The following PKD1L1 variants were observed in gnomAD, a reference collection of about 807,000 sequenced individuals.
PKD1L1 encodes the protein polycystin-1-like protein 1.
A neutral mutation model predicts 323.4 loss-of-function variants in PKD1L1; 236 were observed. The observed-to-expected ratio is 0.73, with a 90% CI of 0.66 to 0.81. The LOEUF (loss-of-function observed/expected upper bound fraction) is 0.81. Among genes scored for constraint, PKD1L1 ranks in the 40% least tolerant of loss-of-function variants. The pLI, the probability that PKD1L1 is intolerant of heterozygous loss-of-function variation, is 0.00. For synonymous variants in PKD1L1, 1,344 were observed against 1,335.0 expected, an observed-to-expected ratio of 1.01 and a Z score of -0.15; for missense variants, 3,320 against 3,508.0, an observed-to-expected ratio of 0.95 and a Z score of 1.35.
rs1352262804 is a variant in PKD1L1 at position 47,827,487 on chromosome 7, C to T, written c.6736-19G>A. The T allele has an allele frequency of 3.8e-6, 6 of 1,591,164 alleles. No individual in the cohort carries two copies. The highest frequency in any genetic ancestry group is 2.7e-5 in the African/African-American group (2 of 74,660). ...CCAAGACCTGTCAGGGACAAGAGTGCTGTGAGCTGCGGGCTGGTGGGTGGA... is the reference window on the plus strand; with the variant it reads ...CCAAGACCTGTCAGGGACAAGAGTGTTGTGAGCTGCGGGCTGGTGGGTGGA... On this transcript the variant is annotated intron_variant, in intron 44 of 56. Transcript: ENST00000289672.
chr7:47,795,614 A>G (rs1305652437), intron 55 of PKD1L1, among the ~76,000 whole-genome samples: 8 of 152,192 alleles, frequency 5.3e-5, no homozygotes, highest in Non-Finnish European at 1.5e-5. Context: ...TAATGCACCT[A>G]AGGCTCTATG....
rs771505567 is a variant in PKD1L1, at chr7:47,800,731, C to T, written c.8111G>A (p.Gly2704Asp). 1.2e-6 allele frequency: 2 copies of T among 1,614,136 alleles called. No homozygotes were observed. Among genetic ancestry groups the T allele is most frequent in the Non-Finnish European group, 1.7e-6 (2 of 1,180,036 alleles). The change falls in exon 54 of 57, where the codon GGC (glycine) becomes GAC (aspartate). Residue 2704 changes from glycine to aspartate, a missense_variant. Coordinates refer to ENST00000289672, the MANE Select transcript of PKD1L1 (RefSeq NM_138295.5). ...GGCCCGCTGGTCAGACTTGGAAAGG[C>T]CAAGGAGGCAGTCTTTTTGGCTTCT... ...PRRSQKDCLL[G>D]LSKSDQRAMA...
Position 47,815,342 on chromosome 7 carries a change from C to T in PKD1L1, c.7081G>A (p.Gly2361Arg). 1 of 1,614,020 alleles carries T rather than the reference C, an allele frequency of 6.2e-7. No individual in the cohort carries two copies. The highest frequency in any genetic ancestry group is 8.5e-7 in the Non-Finnish European group (1 of 1,179,972). ...PGGTPSARVPGAQPGALGGKC... is the reference protein window; with the variant it reads ...PGGTPSARVPRAQPGALGGKC... ...GGAGACGGAAAGCTCACCTGAGCCC[C>T]CGGCACACGGGCTGACGGGGTGCCT... The change falls in exon 47 of 57, where the codon GGG becomes AGG. Residue 2361 changes from glycine to arginine, a missense_variant. Physicochemically the swap from Gly to Arg is moderately radical, Grantham distance 125 (BLOSUM62 -2). Coordinates refer to ENST00000289672, the MANE Select transcript of PKD1L1 (RefSeq NM_138295.5).
At chr7:47,800,519 G>A (rs566989105) in intron 54 of PKD1L1, 130 bp downstream of exon 54, 56 of 922,320 alleles carry the variant, frequency 6.1e-5, no homozygotes, top group Admixed American at 3.0e-4. Flanking sequence ...TGAGCTGGAC[G>A]GCAGGGATTC....
At chr7:47,887,363 A>T (rs940349419) in intron 17 of PKD1L1, among the ~76,000 whole-genome samples, 1 of 152,214 alleles carries the variant, frequency 6.6e-6, no homozygotes, top group Non-Finnish European at 1.5e-5. Context: ...CACCTCTCTG[A>T]TCACAAATAG....
chr7:47,815,861 A>G (rs920947386), intron 46 of PKD1L1, among the ~76,000 whole-genome samples: 1 of 152,182 alleles, frequency 6.6e-6, no homozygotes, highest in African/African-American at 2.4e-5. Context: ...GAGGAAAAAA[A>G]AAAAGCAGGA....
chr7:47,807,134 G>A (rs1047393181), intron 52 of PKD1L1, among the ~76,000 whole-genome samples: 1 of 152,066 alleles, frequency 6.6e-6, no homozygotes. Flanking sequence ...TGCCTTGCTT[G>A]TGCGAGTGTT....
chr7:47,826,150 C>G (rs1785236651), intron 45 of PKD1L1, among the ~76,000 whole-genome samples: 1 of 152,114 alleles, frequency 6.6e-6, no homozygotes. Context: ...GCTTGGAGTT[C>G]TATTCTCAGA....
In PKD1L1 at chr7:47,821,175, A is replaced by G; in HGVS notation, c.6866T>C (p.Met2289Thr). 1.9e-6 allele frequency: 3 copies of G among 1,604,238 alleles called. No homozygotes were observed. The highest frequency in any genetic ancestry group is 2.2e-5 in the East Asian group (1 of 44,822). Residue 2289 changes from methionine to threonine, a missense_variant, in exon 46 of 57, where the codon ATG becomes ACG. Met to Thr is a moderately conservative substitution (Grantham distance 81). Coordinates refer to ENST00000289672, the MANE Select transcript of PKD1L1 (RefSeq NM_138295.5). ...AAGCAGAAGCAGCATGAGGATGTCC[A>G]TGGAAATGTCTCTGTAAGAAGAGTT... Reference protein sequence around the residue: ...RTRAALRDISMDILMLLLLLC... With the variant: ...RTRAALRDISTDILMLLLLLC...
chr7:47,943,163 A>AAAATAT (rs1554417311), intron 2 of PKD1L1, among the ~76,000 whole-genome samples: 82 of 34,122 alleles, frequency 2.4e-3, no homozygotes, highest in Admixed American at 3.5e-3. Flanking sequence ...AAAAAAAAAA[A>AAAATAT]ATATATATAT....
chr7:47,905,288 T>G lies in PKD1L1; in HGVS notation c.1560A>C (p.Thr520=), dbSNP rs2128751101. Residue 520 remains threonine, a synonymous_variant, in exon 11 of 57, where the codon ACA becomes ACC. Coordinates refer to ENST00000289672, the MANE Select transcript of PKD1L1 (RefSeq NM_138295.5). ...SVYTNGTVFA[T]DTDITFTAVT... ...CAGCTGTAAATGTAATGTCTGTGTC[T>G]GTGGCAAACACAGTTCCATTTGTGT... is the stretch of plus-strand genomic sequence containing the variant. 6.2e-7 allele frequency: 1 copy of G among 1,614,172 alleles called. No individual in the cohort carries two copies. The highest frequency in any genetic ancestry group is 8.5e-7 in the Non-Finnish European group (1 of 1,180,010).
At chr7:47,881,118 T>C (rs907901402) in intron 20 of PKD1L1, among the ~76,000 whole-genome samples, 2 of 152,178 alleles carry the variant, frequency 1.3e-5, no homozygotes, top group South Asian at 2.1e-4. Flanking sequence ...CATGTTTAAT[T>C]TGGCAATTTT....
intron 31 of PKD1L1, among the ~76,000 whole-genome samples, chr7:47,850,690 A>AAGT (rs957962568): frequency 4.6e-5 from 7 of 152,058 alleles, no homozygotes; most frequent in Admixed American, 3.9e-4. Flanking sequence ...ACATGCAAAA[A>AAGT]AGTGAACCTA....
chr7:47,898,244 A>G, intron 13 of PKD1L1, 50 bp from the exon 14 acceptor site: 2 of 1,453,492 alleles, frequency 1.4e-6, no homozygotes, highest in Non-Finnish European at 1.9e-6. Flanking sequence ...ATCACATCTA[A>G]TGTACTGGTA....
In PKD1L1 at chr7:47,829,390, A is replaced by C. The variant is rs368365347; in HGVS notation, c.6735+35T>G. On this transcript the variant is annotated intron_variant, in intron 44 of 56. Coordinates refer to ENST00000289672, the MANE Select transcript of PKD1L1 (RefSeq NM_138295.5). The stretch of plus-strand genomic sequence containing the variant: ...GATAGAATATAAAGTAGTTTTTTAA[A>C]TCTCAATTTGCACTGCATAGGTAAT... 3.2e-5 allele frequency: 50 copies of C among 1,545,034 alleles called. No individual in the cohort carries two copies. In the African/African-American group the frequency reaches 5.1e-4, roughly 16 times the overall value.
At chr7:47,786,357 T>C (rs1584942222) in intron 56 of PKD1L1, among the ~76,000 whole-genome samples, 1 of 125,270 alleles carries the variant, frequency 8.0e-6, no homozygotes, top group Admixed American at 8.2e-5. Flanking sequence ...GGCTTCCTGC[T>C]CCTAAGTAAC....
chr7:47,929,350 G>T lies in PKD1L1; in HGVS notation c.914C>A (p.Pro305His), dbSNP rs1220213349. Residue 305 changes from proline to histidine, a missense_variant, in exon 7 of 57, where the codon CCT becomes CAT. Coordinates refer to ENST00000289672, the MANE Select transcript of PKD1L1 (RefSeq NM_138295.5). ...ATGAACACGGAATCCCAGATTTGGA[G>T]GTGCCCGAGCTTCCACTTCCAGGGA... Reference protein sequence around the residue: ...NCSLEVEARAPPNLGFRVHMA... With the variant: ...NCSLEVEARAHPNLGFRVHMA... 7.4e-6 allele frequency: 12 copies of T among 1,614,068 alleles called. No individual in the cohort carries two copies. Among genetic ancestry groups the T allele is most frequent in the Non-Finnish European group, 1.0e-5 (12 of 1,180,048 alleles).
chr7:47,922,702 C>T (rs1272696262), intron 7 of PKD1L1, among the ~76,000 whole-genome samples: 3 of 151,120 alleles, frequency 2.0e-5, no homozygotes, highest in African/African-American at 4.9e-5. Context: ...AAGTGAGGAG[C>T]GTCTCCGCCC....
chr7:47,865,184 G>C (rs578059829), intron 26 of PKD1L1, 32 bp downstream of exon 26: 1 of 1,556,722 alleles, frequency 6.4e-7, no homozygotes, highest in Admixed American at 1.7e-5. Flanking sequence ...ATATAAAATA[G>C]GAAAATATTT....
Sources: gnomAD v4.1 joint callset for allele counts (sites outside exome capture counted in the v4.1 genomes callset) on GRCh38, gnomAD v4.1.1 for gene constraint, MANE v1.5 for transcripts, NCBI Gene and HGNC (gene_info 2026-07-23, HGNC 2026-07-21) for gene names.